Variants in RAB38 observed in about 807,000 individuals in gnomAD.
The protein encoded by RAB38 is ras-related protein Rab-38.
A neutral mutation model predicts 18.4 loss-of-function variants in RAB38; 15 were observed. That is an observed-to-expected ratio of 0.82 (90% CI 0.55 to 1.26). RAB38 has a LOEUF of 1.26. Ranked by LOEUF, RAB38 falls within the 50% of genes most tolerant of loss-of-function variation. RAB38 has a pLI of 0.00. For synonymous variants in RAB38, 101 were observed against 104.4 expected (o/e 0.97, Z 0.20); for missense variants, 294 against 267.4 (o/e 1.10, Z -0.69).
chr11:87,893,390 A>ATATATATATTT, the RAB38 span, among the ~76,000 whole-genome samples: 23 of 93,892 alleles, frequency 2.4e-4, no homozygotes, highest in Admixed American at 7.3e-4. Flanking sequence ...ATATATATAT[A>ATATATATATTT]TTTTTTTTTT....
the RAB38 span, among the ~76,000 whole-genome samples, chr11:88,047,039 G>A: frequency 2.4e-4 from 36 of 152,108 alleles, no homozygotes; most frequent in Non-Finnish European, 4.4e-4. Flanking sequence ...TCAATTCTGC[G>A]TGCAGCCGCT....
the RAB38 span, among the ~76,000 whole-genome samples, chr11:87,917,679 G>A: frequency 2.0e-4 from 30 of 152,046 alleles, no homozygotes; most frequent in African/African-American, 7.2e-4. Flanking sequence ...CCTGGAGCTT[G>A]CCATGTGGCT....
At chr11:87,865,221 A>G in the RAB38 span, among the ~76,000 whole-genome samples, 2 of 151,690 alleles carry the variant, frequency 1.3e-5, no homozygotes, top group South Asian at 4.1e-4. Flanking sequence ...GAACCTGTGA[A>G]TGTGCTACTT....
In RAB38 at chr11:88,163,526, TG is replaced by T. The variant is rs565169211; in HGVS notation, c.202+11656del. Among the ~76,000 whole-genome samples the T allele has an allele frequency of 4.1e-4, 63 of 152,260 alleles. 1 individual carries two copies. The highest frequency in any genetic ancestry group is 1.5e-3 in the African/African-American group (63 of 41,566). On this transcript the variant is annotated intron_variant, in intron 1 of 2. Coordinates refer to ENST00000243662, the MANE Select transcript of RAB38 (RefSeq NM_022337.3). ...AACAATGGCTCTCATTTTACCCTAC[TG>T]TTAGTTATCATCTCTTAAAGGCAAA... is the stretch of plus-strand genomic sequence containing the variant.
At chr11:88,040,774 T>C in the RAB38 span, among the ~76,000 whole-genome samples, 3 of 152,216 alleles carry the variant, frequency 2.0e-5, no homozygotes, top group East Asian at 3.9e-4. Context: ...AGTCACATTC[T>C]TAGGTGCCAG....
the RAB38 span, among the ~76,000 whole-genome samples, chr11:88,107,040 C>A: frequency 6.6e-6 from 1 of 152,144 alleles, no homozygotes; most frequent in Non-Finnish European, 1.5e-5. Context: ...GGACTACACA[C>A]CATCGTTAAG....
the RAB38 span, among the ~76,000 whole-genome samples, chr11:87,808,984 T>C: frequency 6.6e-6 from 1 of 152,028 alleles, no homozygotes; most frequent in Non-Finnish European, 1.5e-5. Context: ...GCCTCTAAAT[T>C]GGTAGAGGGG....
the RAB38 span, among the ~76,000 whole-genome samples, chr11:87,919,672 G>T: frequency 6.6e-6 from 1 of 151,916 alleles, no homozygotes; most frequent in Non-Finnish European, 1.5e-5. Context: ...GTTTGAGAAA[G>T]ACTGGTATTA....
At chr11:88,110,731 C>A (rs138465884), downstream of RAB38, among the ~76,000 whole-genome samples, 1 of 150,864 alleles carries the variant, frequency 6.6e-6, no homozygotes, top group East Asian at 2.0e-4. Context: ...ACAGAAGAAT[C>A]ACTTGAACCT....
chr11:88,038,709 G>A, the RAB38 span, among the ~76,000 whole-genome samples: 1 of 151,934 alleles, frequency 6.6e-6, no homozygotes, highest in African/African-American at 2.4e-5. Context: ...CAAGTCTTAC[G>A]AATTATATAT....
At chr11:88,094,199 G>T in the RAB38 span, among the ~76,000 whole-genome samples, 2 of 151,848 alleles carry the variant, frequency 1.3e-5, no homozygotes, top group Non-Finnish European at 2.9e-5. Flanking sequence ...CAGATTTGGT[G>T]CTTTTCCCAA....
chr11:87,928,792 T>G, the RAB38 span, among the ~76,000 whole-genome samples: 1 of 152,100 alleles, frequency 6.6e-6, no homozygotes, highest in East Asian at 1.9e-4. Context: ...ACTAAATCAC[T>G]CATTACTCTA....
the RAB38 span, among the ~76,000 whole-genome samples, chr11:87,825,013 T>TC: frequency 6.6e-6 from 1 of 151,418 alleles, no homozygotes; most frequent in Non-Finnish European, 1.5e-5. Context: ...TGTGTGTGTA[T>TC]GTGTGTGTGT....
chr11:88,129,591 C>A (rs1453224859), intron 2 of RAB38, among the ~76,000 whole-genome samples: 1 of 152,050 alleles, frequency 6.6e-6, no homozygotes, highest in Admixed American at 6.6e-5. Flanking sequence ...TTGCAGTGAG[C>A]CGAGATCGTG....
the RAB38 span, among the ~76,000 whole-genome samples, chr11:87,923,804 G>T: frequency 1.4e-4 from 22 of 151,728 alleles, no homozygotes; most frequent in African/African-American, 4.8e-4. Flanking sequence ...ATTCTTATGG[G>T]AACACTGTGA....
chr11:87,842,276 A>G, the RAB38 span, among the ~76,000 whole-genome samples: 5 of 152,204 alleles, frequency 3.3e-5, no homozygotes, highest in South Asian at 2.1e-4. Context: ...GGAAGAGACA[A>G]TGGAGCATCA....
the RAB38 span, among the ~76,000 whole-genome samples, chr11:87,901,787 T>C: frequency 6.6e-6 from 1 of 151,624 alleles, no homozygotes; most frequent in Admixed American, 6.6e-5. Context: ...AGAGCATTAA[T>C]AATCATAGTC....
chr11:87,944,433 C>T, the RAB38 span, among the ~76,000 whole-genome samples: 2 of 152,220 alleles, frequency 1.3e-5, no homozygotes, highest in South Asian at 4.1e-4. Context: ...TGTCTCTTGT[C>T]CATGTTGGCA....
At chr11:87,890,172 T>C in the RAB38 span, among the ~76,000 whole-genome samples, 6 of 151,894 alleles carry the variant, frequency 4.0e-5, no homozygotes, top group Admixed American at 1.3e-4. Flanking sequence ...TCTGAAAAAC[T>C]ATAAAATCTC....
Sources: gnomAD v4.1 joint callset for allele counts (sites outside exome capture counted in the v4.1 genomes callset) on GRCh38, gnomAD v4.1.1 for gene constraint, MANE v1.5 for transcripts, NCBI Gene and HGNC (gene_info 2026-07-23, HGNC 2026-07-21) for gene names.